The following PAF1 variants were observed in gnomAD, a reference collection of about 807,000 sequenced individuals.
PAF1 encodes RNA polymerase II-associated factor 1 homolog.
A neutral mutation model predicts 68.4 loss-of-function variants in PAF1; 31 were observed. That is an observed-to-expected ratio of 0.45 (90% confidence interval 0.34 to 0.61). PAF1 has a LOEUF of 0.61. Among genes scored for constraint, PAF1 ranks in the 20% least tolerant of loss-of-function variants. PAF1 has a pLI of 0.01. For missense variants in PAF1, 435 were observed against 692.9 expected (o/e 0.63, Z 4.18); for synonymous variants, 256 against 240.5 (o/e 1.06, Z -0.60).
At chr19:39,390,316 A>G (rs1309191426) in intron 1 of PAF1, 27 bp from the exon 2 acceptor site, 13 of 1,600,520 alleles carry the variant, frequency 8.1e-6, no homozygotes, top group East Asian at 4.5e-5. Context: ...AAACAGTGAT[A>G]GGTGGAGAGG....
intron 11 of PAF1, chr19:39,387,228 C>A: frequency 2.4e-6 from 1 of 421,336 alleles, no homozygotes; most frequent in South Asian, 1.8e-5. Context: ...GTACTGAATA[C>A]TGCAGGCAAT....
rs772366133 is a variant in PAF1, at chr19:39,389,031, C to T, written c.568-16G>A. 2.5e-6 allele frequency: 4 copies of T among 1,614,018 alleles called. No homozygotes were observed. Among genetic ancestry groups the T allele is most frequent in the Non-Finnish European group, 3.4e-6 (4 of 1,179,900 alleles). On this transcript the variant is annotated splice_polypyrimidine_tract_variant and intron_variant, in intron 7 of 13. Coordinates refer to ENST00000221265, the MANE Select transcript of PAF1 (RefSeq NM_019088.4). The surrounding 1 kb of genome is among the most constrained non-coding windows in gnomAD (Gnocchi z 5.3). ...GCTGTGAGATCTGGTGGAACAAAAA[C>T]AAGGTGAGGAGGAGCTCTGCAGCCG...
At position 39,390,868 on chromosome 19, in the gene PAF1, G is replaced by A; in HGVS notation, c.-4C>T. Reference sequence around the variant, plus strand: ...GGGTCTGGATGGTGGGCGCCATAGCGACGAGGCGACGGCAGCCCGGACGGG... The same window carrying A: ...GGGTCTGGATGGTGGGCGCCATAGCAACGAGGCGACGGCAGCCCGGACGGG... On this transcript the variant is annotated 5_prime_UTR_variant, in exon 1 of 14. Coordinates refer to ENST00000221265, the MANE Select transcript of PAF1 (RefSeq NM_019088.4). 1 of 1,579,264 alleles carries A rather than the reference G, an allele frequency of 6.3e-7. No homozygotes were observed. The highest frequency in any genetic ancestry group is 8.6e-7 in the Non-Finnish European group (1 of 1,162,398).
chr19:39,387,298 G>A, intron 11 of PAF1: 1 of 307,538 alleles, frequency 3.3e-6, no homozygotes, highest in South Asian at 2.8e-5. Flanking sequence ...TAAAGATACG[G>A]TATTCTATCT....
Position 39,389,743 on chromosome 19 carries a change from G to A in PAF1, c.189C>T (p.Ala63=). 6.2e-7 allele frequency: 1 copy of A among 1,614,114 alleles called. No individual in the cohort carries two copies. Among genetic ancestry groups the A allele is most frequent in the Non-Finnish European group, 8.5e-7 (1 of 1,180,006 alleles). The stretch of plus-strand genomic sequence containing the variant: ...GTTTGTGCTGTTTCTCCAAGGAAGT[G>A]GCTTTGTACTGGACGAACCTGGGTG... ...FDQNRFVQYK[A]TSLEKQHKHD... The change falls in exon 4 of 14, where the codon GCC becomes GCT. Residue 63 remains alanine (A), a synonymous_variant. Coordinates refer to ENST00000221265, the MANE Select transcript of PAF1 (RefSeq NM_019088.4). The surrounding 1 kb of genome is among the most constrained non-coding windows in gnomAD (Gnocchi z 5.3).
In PAF1 at chr19:39,388,352, CATT is replaced by C. The variant is rs1372619527; in HGVS notation, c.970_972del (p.Asn324del). On this transcript the variant is annotated inframe_deletion, in exon 11 of 14. Coordinates refer to ENST00000221265, the MANE Select transcript of PAF1 (RefSeq NM_019088.4). The stretch of plus-strand genomic sequence containing the variant: ...TGTGCTGAGTACCTGGTTTCCAACT[CATT>C]GTAGTAAACCCCGTCACCCTCTCGG... 6.2e-7 allele frequency: 1 copy of C among 1,614,044 alleles called. No individual in the cohort carries two copies. Among genetic ancestry groups the C allele is most frequent in the Non-Finnish European group, 8.5e-7 (1 of 1,179,924 alleles).
At position 39,385,696 on chromosome 19, in the gene PAF1, AC is replaced by A. The variant is rs1186328031; in HGVS notation, c.*294del. The A allele has an allele frequency of 1.9e-6, 1 of 528,926 alleles. No individual in the cohort carries two copies. Among genetic ancestry groups the A allele is most frequent in the Admixed American group, 3.6e-5 (1 of 27,450 alleles). The allele number at this position is 528,926 out of a possible 1,614,324, so 32.8% of individuals were successfully genotyped here. A position where few individuals can be genotyped will look rare whatever the true frequency, so the allele number is the denominator to read the frequency against. ...GAAAAAAAAAAAACAAACAAAAAAA[AC>A]GAATTCTGACCTTCGTTGTGCTACA... On this transcript the variant is annotated 3_prime_UTR_variant, in exon 14 of 14. Coordinates refer to ENST00000221265, the MANE Select transcript of PAF1 (RefSeq NM_019088.4).
At chr19:39,390,385 G>T in intron 1 of PAF1, 96 bp from the exon 2 acceptor site, 1 of 1,160,000 alleles carries the variant, frequency 8.6e-7, no homozygotes, top group Non-Finnish European at 1.3e-6. Flanking sequence ...TAGGAGGGGT[G>T]ACAAATGCTG....
At chr19:39,390,634 G>A (rs1020520947) in intron 1 of PAF1, among the ~76,000 whole-genome samples, 184 bp downstream of exon 1, 21 of 152,176 alleles carry the variant, frequency 1.4e-4, no homozygotes, top group African/African-American at 5.1e-4. Flanking sequence ...GTCTCCAAAA[G>A]CCTAATCCCT....
rs1219326145 is a variant in PAF1 at position 39,389,247 on chromosome 19, T to C, written c.461+35A>G. On this transcript the variant is annotated intron_variant, in intron 6 of 13. Coordinates refer to ENST00000221265, the MANE Select transcript of PAF1 (RefSeq NM_019088.4). The surrounding 1 kb of genome is among the most constrained non-coding windows in gnomAD (Gnocchi z 5.3). ...TAGGGGCCACTGGACACACCTAATATCTCCACCTTCCCTCTCTTCCTGTTA... is the reference window on the plus strand; with the variant it reads ...TAGGGGCCACTGGACACACCTAATACCTCCACCTTCCCTCTCTTCCTGTTA... 1.2e-6 allele frequency: 2 copies of C among 1,609,056 alleles called. No individual in the cohort carries two copies. Among genetic ancestry groups the C allele is most frequent in the Non-Finnish European group, 1.7e-6 (2 of 1,175,382 alleles).
In PAF1 at chr19:39,390,308, A is replaced by T; in HGVS notation, c.48-19T>A. The stretch of plus-strand genomic sequence containing the variant: ...ATTGGGCCTAGTGGAGAAGAAAGAA[A>T]CAGTGATAGGTGGAGAGGACGGGAT... On this transcript the variant is annotated intron_variant, in intron 1 of 13. Coordinates refer to ENST00000221265, the MANE Select transcript of PAF1 (RefSeq NM_019088.4). 1 of 1,606,338 alleles carries T rather than the reference A, an allele frequency of 6.2e-7. No individual in the cohort carries two copies.
Position 39,388,694 on chromosome 19 carries a change from A to C in PAF1, c.741-18T>G. The stretch of plus-strand genomic sequence containing the variant: ...TCATGCCCCTGGTTGGGGGAAAAGG[A>C]GTAGCAATGAAGTGTGAGGACAAGA... On this transcript the variant is annotated intron_variant, in intron 9 of 13. Transcript: ENST00000221265. The C allele has an allele frequency of 6.2e-7, 1 of 1,612,400 alleles. No individual in the cohort carries two copies. The highest frequency in any genetic ancestry group is 8.5e-7 in the Non-Finnish European group (1 of 1,178,430).
At position 39,386,040 on chromosome 19, in the gene PAF1, C is replaced by G. The variant is rs2078239660; in HGVS notation, c.1547G>C (p.Ser516Thr). ...ACTGGAATCAGAAGCTGCAGCTTCA[C>G]TGCCATCCTCCTGGGCCGAGTGCTC... ...GSEHSAQEDG[S>T]EAAASDSSEA... Residue 516 changes from serine (S) to threonine (T), a missense_variant, in exon 14 of 14, where the codon AGT (serine) becomes ACT (threonine). Around this residue, in one of 7 missense-constraint regions of PAF1, gnomAD observed 83 missense variants for 99.9 expected, o/e 0.83. Coordinates refer to ENST00000221265, the MANE Select transcript of PAF1 (RefSeq NM_019088.4). The surrounding 1 kb of genome is among the most constrained non-coding windows in gnomAD (Gnocchi z 6.1). 1.9e-6 allele frequency: 3 copies of G among 1,613,868 alleles called. No individual in the cohort carries two copies. The highest frequency in any genetic ancestry group is 2.5e-6 in the Non-Finnish European group (3 of 1,180,032).
At chr19:39,387,335 G>A in intron 11 of PAF1, 1 of 221,386 alleles carries the variant, frequency 4.5e-6, no homozygotes. Flanking sequence ...GCAGTCCATT[G>A]TTGACTGAAA....
In PAF1 at chr19:39,385,808, G is replaced by T; in HGVS notation, c.*183C>A. ...CTTGAGCACCTGGGGGTTGCGGGAG[G>T]TATGTGCTGGGCTGAATGACATCAT... is the stretch of plus-strand genomic sequence containing the variant. On this transcript the variant is annotated 3_prime_UTR_variant, in exon 14 of 14. Coordinates refer to ENST00000221265, the MANE Select transcript of PAF1 (RefSeq NM_019088.4). The T allele has an allele frequency of 5.8e-6, 5 of 855,320 alleles. No individual in the cohort carries two copies. The highest frequency in any genetic ancestry group is 8.8e-6 in the Non-Finnish European group (5 of 567,498). 53.0% of individuals were successfully genotyped at this position (855,320 alleles called of 1,614,324 possible). A position where few individuals can be genotyped will look rare whatever the true frequency, so the allele number is the denominator to read the frequency against.
intron 11 of PAF1, among the ~76,000 whole-genome samples, chr19:39,388,066 A>G (rs1292969087): frequency 2.0e-5 from 3 of 152,168 alleles, no homozygotes; most frequent in Admixed American, 6.5e-5. Context: ...ACTTGAACCC[A>G]GGAAGCGGAG....
chr19:39,390,044 T>C, intron 3 of PAF1, 25 bp downstream of exon 3: 1 of 1,568,096 alleles, frequency 6.4e-7, no homozygotes, highest in Non-Finnish European at 8.8e-7. Flanking sequence ...CATACCTGAG[T>C]AGTTTTCCCA....
chr19:39,390,353 G>T, intron 1 of PAF1, 64 bp from the exon 2 acceptor site: 11 of 1,494,952 alleles, frequency 7.4e-6, no homozygotes, highest in Non-Finnish European at 8.2e-6. Flanking sequence ...AATGAAAAAG[G>T]CTTCCCCAAC....
At chr19:39,388,098 A>G (rs1051892269) in intron 11 of PAF1, among the ~76,000 whole-genome samples, 10 of 152,122 alleles carry the variant, frequency 6.6e-5, no homozygotes, top group Non-Finnish European at 1.3e-4. Context: ...CTGAGATCAC[A>G]CCACTGCACT....
Sources: gnomAD v4.1 joint callset for allele counts (sites outside exome capture counted in the v4.1 genomes callset) on GRCh38, gnomAD v4.1.1 for gene constraint, gnomAD v4.1.1 regional missense constraint, Gnocchi (gnomAD v3.1) non-coding constraint, MANE v1.5 for transcripts, NCBI Gene and HGNC (gene_info 2026-07-23, HGNC 2026-07-21) for gene names.